Variants in ADGRB3 observed in about 807,000 individuals in gnomAD.
ADGRB3 encodes brain-specific angiogenesis inhibitor 3.
ADGRB3 carries 37 observed loss-of-function variants against 193.4 expected under a neutral mutation model. The observed-to-expected ratio is 0.19, with a 90% CI of 0.15 to 0.25. The LOEUF (loss-of-function observed/expected upper bound fraction) is 0.25. Among genes scored for constraint, ADGRB3 ranks in the 10% least tolerant of loss-of-function variants. The pLI is 1.00. For missense variants in ADGRB3, 1,637 were observed against 1,852.9 expected (o/e 0.88, Z 2.14); for synonymous variants, 690 against 644.2 (o/e 1.07, Z -1.08).
At chr6:69,105,989 G>A (rs959948156) in intron 17 of ADGRB3, among the ~76,000 whole-genome samples, 4 of 151,738 alleles carry the variant, frequency 2.6e-5, no homozygotes, top group Admixed American at 2.0e-4. Flanking sequence ...CCAAAAATTA[G>A]CCAGGACATG....
Position 69,125,150 on chromosome 6 carries a change from A to G in ADGRB3, c.2480+49112A>G, listed in dbSNP as rs9363984. 7.2e-4 allele frequency among the ~76,000 whole-genome samples: 109 copies of G among 152,198 alleles called. 1 individual carries two copies. In the East Asian group the frequency reaches 0.019, roughly 26 times the overall value. ...CAGACCAGCCAATTGCCAACCTAAC[A>G]TCCCTTTTGGACAGTGTTACCTTTC... On this transcript the variant is annotated intron_variant, in intron 17 of 31. Transcript: ENST00000370598.
chr6:68,983,053 A>G (rs1339930214), intron 10 of ADGRB3, among the ~76,000 whole-genome samples: 6 of 152,136 alleles, frequency 3.9e-5, no homozygotes, highest in South Asian at 4.1e-4. Context: ...TCTAGTTGCA[A>G]TGACAAAATC....
intron 20 of ADGRB3, among the ~76,000 whole-genome samples, chr6:69,245,398 T>G (rs1055776106): frequency 4.6e-5 from 7 of 152,098 alleles, no homozygotes; most frequent in African/African-American, 1.7e-4. Context: ...CTGTGAAGAT[T>G]TTTTTATTCA....
At chr6:69,118,475 T>C (rs1321227017) in intron 17 of ADGRB3, among the ~76,000 whole-genome samples, 1 of 152,004 alleles carries the variant, frequency 6.6e-6, no homozygotes, top group Non-Finnish European at 1.5e-5. Flanking sequence ...CCAGACAATA[T>C]GGATGTCTGT....
In ADGRB3 at chr6:69,243,851, G is replaced by T. The variant is rs1274465325; in HGVS notation, c.2814+4625G>T. Among the ~76,000 whole-genome samples, 5 of 151,950 alleles carry T rather than the reference G, an allele frequency of 3.3e-5. No individual in the cohort carries two copies. In the East Asian group the frequency reaches 9.7e-4, roughly 29 times the overall value. On this transcript the variant is annotated intron_variant, in intron 20 of 31. Transcript: ENST00000370598. ...CTAGAATTACAGGTTAAACTAACTGGCACATATATAGTATCATACTGAAAA... is the reference window on the plus strand; with the variant it reads ...CTAGAATTACAGGTTAAACTAACTGTCACATATATAGTATCATACTGAAAA...
intron 29 of ADGRB3, among the ~76,000 whole-genome samples, chr6:69,370,115 A>C (rs1769676219): frequency 1.3e-5 from 2 of 152,174 alleles, no homozygotes; most frequent in Admixed American, 1.3e-4. Context: ...ATCCCAACTC[A>C]TTTGCTTACC....
At chr6:69,356,221 G>A (rs1309469428) in intron 28 of ADGRB3, among the ~76,000 whole-genome samples, 1 of 152,140 alleles carries the variant, frequency 6.6e-6, no homozygotes, top group Non-Finnish European at 1.5e-5. Flanking sequence ...ATGGGCAAGA[G>A]TGCTATGTGC....
intron 30 of ADGRB3, among the ~76,000 whole-genome samples, chr6:69,378,482 G>A (rs772405488): frequency 6.6e-6 from 1 of 152,070 alleles, no homozygotes; most frequent in East Asian, 1.9e-4. Context: ...TTTCTAATCA[G>A]TAAAGTGGAG....
At chr6:69,244,280 G>T (rs865980818) in intron 20 of ADGRB3, among the ~76,000 whole-genome samples, 1 of 151,956 alleles carries the variant, frequency 6.6e-6, no homozygotes, top group Non-Finnish European at 1.5e-5. Context: ...TTTTTGTTCT[G>T]TAGTTTGAAT....
At chr6:68,954,817 A>G (rs1768025731) in intron 6 of ADGRB3, among the ~76,000 whole-genome samples, 2 of 151,612 alleles carry the variant, frequency 1.3e-5, no homozygotes, top group Non-Finnish European at 2.9e-5. Context: ...AGTAGCTAGG[A>G]CTACAGGCGC....
chr6:69,362,636 T>C (rs1166004306), intron 29 of ADGRB3, among the ~76,000 whole-genome samples: 1 of 151,944 alleles, frequency 6.6e-6, no homozygotes, highest in East Asian at 1.9e-4. Flanking sequence ...ACCCTCAAAC[T>C]GAGTAAGGCT....
rs1208133532 is a variant in ADGRB3, at chr6:68,777,986, G to A, written c.757+138554G>A. 2.0e-5 allele frequency among the ~76,000 whole-genome samples: 3 copies of A among 152,162 alleles called. No homozygotes were observed. In the East Asian group the frequency reaches 5.8e-4, roughly 29 times the overall value. On this transcript the variant is annotated intron_variant, in intron 3 of 31. Transcript: ENST00000370598. ...TTTAAGCAATGAACCAACAAAGCCTGTTGATGCCAATGTAGCATTAAGTTT... is the reference window on the plus strand; with the variant it reads ...TTTAAGCAATGAACCAACAAAGCCTATTGATGCCAATGTAGCATTAAGTTT...
chr6:68,741,530 A>T (rs1203605625), intron 3 of ADGRB3, among the ~76,000 whole-genome samples: 5 of 152,062 alleles, frequency 3.3e-5, no homozygotes, highest in African/African-American at 1.2e-4. Flanking sequence ...GGGACTACAG[A>T]CATGTGCCAC....
chr6:68,731,921 A>G (rs1350582838), intron 3 of ADGRB3, among the ~76,000 whole-genome samples: 1 of 151,702 alleles, frequency 6.6e-6, no homozygotes, highest in Non-Finnish European at 1.5e-5. Flanking sequence ...ATTTATGCAC[A>G]TATATACATA....
chr6:68,650,964 C>T (rs1479923390), intron 3 of ADGRB3, among the ~76,000 whole-genome samples: 2 of 152,140 alleles, frequency 1.3e-5, no homozygotes, highest in African/African-American at 4.8e-5. Context: ...TTTGGAAATA[C>T]TTCTTATGTT....
chr6:68,748,794 G>A (rs1203924234), intron 3 of ADGRB3, among the ~76,000 whole-genome samples: 2 of 152,182 alleles, frequency 1.3e-5, no homozygotes, highest in Non-Finnish European at 1.5e-5. Context: ...CCCTAGCAGA[G>A]GTTCTCCATG....
chr6:69,227,980 G>A (rs1766054729), intron 17 of ADGRB3, among the ~76,000 whole-genome samples: 1 of 152,334 alleles, frequency 6.6e-6, no homozygotes, highest in South Asian at 2.1e-4. Flanking sequence ...CATGGGCCGG[G>A]TGTGGTGGCT....
intron 3 of ADGRB3, among the ~76,000 whole-genome samples, chr6:68,653,136 G>T: frequency 6.6e-6 from 1 of 152,108 alleles, no homozygotes; most frequent in East Asian, 1.9e-4. Context: ...TTCTAGCATG[G>T]ATACCTGTAC....
chr6:68,848,405 A>C (rs1337984478), intron 3 of ADGRB3, among the ~76,000 whole-genome samples: 6 of 152,088 alleles, frequency 3.9e-5, no homozygotes, highest in Admixed American at 3.9e-4. Flanking sequence ...TAAGAAACTA[A>C]GAAGCTAGGT....
Sources: gnomAD v4.1 joint callset for allele counts (sites outside exome capture counted in the v4.1 genomes callset) on GRCh38, gnomAD v4.1.1 for gene constraint, MANE v1.5 for transcripts, NCBI Gene and HGNC (gene_info 2026-07-23, HGNC 2026-07-21) for gene names.